SHISAL2A: variants seen among roughly 807,000 people sequenced by gnomAD.
SHISAL2A encodes shisa like 2A, also known as protein shisa-like-2A.
SHISAL2A carries 18 observed loss-of-function variants against 11.5 expected under a neutral mutation model. The observed-to-expected ratio is 1.57, with a 90% confidence interval of 1.08 to 2.33. SHISAL2A has a LOEUF of 2.33. Among genes scored for constraint, SHISAL2A ranks in the 30% most tolerant of loss-of-function variants. The pLI is 0.00. For missense variants in SHISAL2A, 261 were observed against 250.9 expected, an observed-to-expected ratio of 1.04 and a Z score of -0.27; for synonymous variants, 94 against 99.6, an observed-to-expected ratio of 0.94 and a Z score of 0.34.
At chr1:52,649,556 A>G (rs897131721) in intron 2 of SHISAL2A, among the ~76,000 whole-genome samples, 2 of 152,106 alleles carry the variant, frequency 1.3e-5, no homozygotes, top group African/African-American at 4.8e-5. Flanking sequence ...TCACCGTCAC[A>G]CCCATCCCAT....
chr1:52,663,354 C>T (rs1691944519), intron 4 of SHISAL2A, among the ~76,000 whole-genome samples: 1 of 152,232 alleles, frequency 6.6e-6, no homozygotes, highest in Non-Finnish European at 1.5e-5. Flanking sequence ...TCCGCCCTCC[C>T]CGCAACCACC....
chr1:52,666,452 A>T (rs891288373), intron 4 of SHISAL2A, among the ~76,000 whole-genome samples: 2 of 152,088 alleles, frequency 1.3e-5, no homozygotes, highest in African/African-American at 2.4e-5. Flanking sequence ...ATTCTGTCTC[A>T]AATTAATTAA....
At chr1:52,658,428 A>G (rs1457507169), downstream of SHISAL2A, among the ~76,000 whole-genome samples, 2 of 152,198 alleles carry the variant, frequency 1.3e-5, no homozygotes, top group Non-Finnish European at 2.9e-5. Flanking sequence ...AATAACAGTA[A>G]ACTATGTAAT....
Position 52,633,485 on chromosome 1 carries a change from C to T in SHISAL2A, c.-9C>T. The T allele has an allele frequency of 1.3e-6, 2 of 1,487,336 alleles. No individual in the cohort carries two copies. The highest frequency in any genetic ancestry group is 2.8e-5 in the East Asian group (1 of 35,238). 92.1% of individuals were successfully genotyped at this position (1,487,336 alleles called of 1,614,324 possible). ...GCCCGAGGTGGCGGCGGGCTGGGCG[C>T]GGGGCGCGATGAGCGGCGCCTGCAC... On this transcript the variant is annotated 5_prime_UTR_variant, in exon 1 of 3. Transcript: ENST00000517870. This position sits in a 1 kb window ranked among gnomAD's most constrained non-coding sequence, Gnocchi z 6.4.
chr1:52,633,511 G>C lies in SHISAL2A; in HGVS notation c.18G>C (p.Thr6=), dbSNP rs758443434. Residue 6 remains threonine, a synonymous_variant, in exon 1 of 3, where the codon ACG becomes ACC. Coordinates refer to ENST00000517870, the MANE Select transcript of SHISAL2A (RefSeq NM_001042693.3). This position sits in a 1 kb window ranked among gnomAD's most constrained non-coding sequence, Gnocchi z 6.4. The part of the protein sequence containing the change: MSGAC[T]SYVSAEQEVV... ...GGGGCGCGATGAGCGGCGCCTGCAC[G>C]AGCTACGTGAGCGCAGAGCAGGAGG... The C allele has an allele frequency of 4.8e-5, 74 of 1,544,376 alleles. No homozygotes were observed. Among genetic ancestry groups the C allele is most frequent in the Non-Finnish European group, 6.1e-5 (70 of 1,151,236 alleles).
chr1:52,650,230 G>A (rs542387525), intron 2 of SHISAL2A, among the ~76,000 whole-genome samples: 1 of 152,320 alleles, frequency 6.6e-6, no homozygotes, highest in South Asian at 2.1e-4. Flanking sequence ...CAAGCAGGGG[G>A]AAAACCTGAG....
At chr1:52,668,883 G>A (rs1241789303) in exon 6 of SHISAL2A, 1 of 152,376 alleles carries the variant, frequency 6.6e-6, no homozygotes, top group Non-Finnish European at 1.5e-5. Context: ...AGCCCTAAGA[G>A]CCCCAGCTGC....
At chr1:52,645,032 A>AAAG (rs1168355517) in intron 2 of SHISAL2A, among the ~76,000 whole-genome samples, 22 of 151,082 alleles carry the variant, frequency 1.5e-4, no homozygotes, top group Admixed American at 2.0e-4. Context: ...AAAAAAAAAA[A>AAAG]AAGAAGAAGA....
chr1:52,655,479 A>G (rs869202056), intron 2 of SHISAL2A, among the ~76,000 whole-genome samples: 34 of 129,590 alleles, frequency 2.6e-4, no homozygotes, highest in Non-Finnish European at 3.4e-4. Context: ...AAAAAAAAAA[A>G]GGTGGATGTG....
At chr1:52,661,064 C>A (rs1040111339), downstream of SHISAL2A, among the ~76,000 whole-genome samples, 3 of 152,136 alleles carry the variant, frequency 2.0e-5, no homozygotes, top group African/African-American at 7.2e-5. Flanking sequence ...CCATATGGTT[C>A]TTTCAGGTAA....
chr1:52,667,288 C>A, intron 4 of SHISAL2A: 3 of 409,236 alleles, frequency 7.3e-6, no homozygotes, highest in Non-Finnish European at 9.9e-6. Flanking sequence ...CGTAGTTAGT[C>A]AGCACGAGTT....
chr1:52,637,378 C>T (rs965771308), intron 1 of SHISAL2A, among the ~76,000 whole-genome samples: 10 of 152,210 alleles, frequency 6.6e-5, no homozygotes, highest in African/African-American at 1.9e-4. Context: ...CTGTAAATTC[C>T]GTTTGGCCCT....
chr1:52,647,458 G>T (rs1283016693), intron 2 of SHISAL2A, among the ~76,000 whole-genome samples: 2 of 152,100 alleles, frequency 1.3e-5, no homozygotes, highest in African/African-American at 4.8e-5. Context: ...TAAAAGATAA[G>T]AAAAATGTAA....
At chr1:52,665,679 A>T (rs1436456024) in intron 4 of SHISAL2A, among the ~76,000 whole-genome samples, 1 of 152,162 alleles carries the variant, frequency 6.6e-6, no homozygotes, top group Non-Finnish European at 1.5e-5. Context: ...AGGAGGCCCT[A>T]AGTTAGGACA....
At chr1:52,643,122 A>C in intron 2 of SHISAL2A, 120 bp downstream of exon 2, 1 of 951,562 alleles carries the variant, frequency 1.1e-6, no homozygotes. Flanking sequence ...AATATGCAGA[A>C]GCAGCGGCAC....
chr1:52,647,124 G>A (rs1460614889), intron 2 of SHISAL2A, among the ~76,000 whole-genome samples: 2 of 152,178 alleles, frequency 1.3e-5, no homozygotes, highest in African/African-American at 2.4e-5. Flanking sequence ...GTGAGCCACT[G>A]TACCTGGCCT....
exon 6 of SHISAL2A, chr1:52,669,217 C>A (rs146711356): frequency 0.015 from 2,258 of 147,024 alleles, 46 homozygotes; most frequent in African/African-American, 0.047. Flanking sequence ...CTCAAGCGAT[C>A]CTCCCACCTT....
intron 5 of SHISAL2A, chr1:52,667,678 T>C (rs1330069389): frequency 6.6e-6 from 1 of 152,030 alleles, no homozygotes; most frequent in Non-Finnish European, 1.5e-5. Context: ...CAGAATCATA[T>C]CTAAATCTTC....
intron 1 of SHISAL2A, among the ~76,000 whole-genome samples, chr1:52,642,550 C>T (rs1347501417): frequency 1.3e-5 from 2 of 151,842 alleles, no homozygotes; most frequent in Non-Finnish European, 2.9e-5. Context: ...CTCAGCCTCC[C>T]GAGTAGGTGA....
Sources: gnomAD v4.1 joint callset for allele counts (sites outside exome capture counted in the v4.1 genomes callset) on GRCh38, gnomAD v4.1.1 for gene constraint, Gnocchi (gnomAD v3.1) non-coding constraint, MANE v1.5 for transcripts, NCBI Gene and HGNC (gene_info 2026-07-23, HGNC 2026-07-21) for gene names.